Variants in CRADD observed in about 807,000 individuals in gnomAD.
CRADD encodes the protein CARD and death domain containing adaptor protein, also known as death domain-containing protein CRADD.
In CRADD, 9 loss-of-function variants were observed where a neutral mutation model predicts 15.5. The ratio of observed to expected loss-of-function variants is 0.58; its 90% CI spans 0.35 to 1.01. The LOEUF is 1.01. CRADD is among the 50% of genes least tolerant of loss of function. CRADD has a pLI of 0.02. For synonymous variants in CRADD, 118 were observed against 107.6 expected (o/e 1.10, Z -0.60); for missense variants, 227 against 250.3 (o/e 0.91, Z 0.63).
intron 2 of CRADD, among the ~76,000 whole-genome samples, chr12:93,778,809 G>A (rs1163964078): frequency 1.7e-5 from 2 of 117,356 alleles, no homozygotes; most frequent in Admixed American, 9.2e-5. Context: ...ATTTCTTTTT[G>A]TGTTCTTGTG....
chr12:93,892,903 TG>T (rs1299735714), intron 2 of CRADD, among the ~76,000 whole-genome samples: 2 of 152,188 alleles, frequency 1.3e-5, no homozygotes, highest in Non-Finnish European at 2.9e-5. Flanking sequence ...AAGCTGTTTT[TG>T]TTTTCCTTGA....
At chr12:93,796,118 AGTTTG>A (rs935884472) in intron 2 of CRADD, among the ~76,000 whole-genome samples, 45 of 152,106 alleles carry the variant, frequency 3.0e-4, no homozygotes, top group Non-Finnish European at 5.4e-4. Flanking sequence ...TGGGAGGATA[AGTTTG>A]GTTTTTTTTT....
At chr12:93,693,460 A>C (rs922404316) in intron 2 of CRADD, among the ~76,000 whole-genome samples, 1 of 152,088 alleles carries the variant, frequency 6.6e-6, no homozygotes, top group Admixed American at 6.5e-5. Context: ...ATGTCAGACC[A>C]AGTAGATTTT....
At chr12:93,886,177 T>C (rs1958536200) in intron 2 of CRADD, among the ~76,000 whole-genome samples, 1 of 149,692 alleles carries the variant, frequency 6.7e-6, no homozygotes, top group Admixed American at 6.7e-5. Context: ...TTTTTTTTTT[T>C]TTTTTGAGAC....
At chr12:93,867,220 G>T (rs1958375117) in intron 2 of CRADD, among the ~76,000 whole-genome samples, 1 of 151,820 alleles carries the variant, frequency 6.6e-6, no homozygotes, top group Non-Finnish European at 1.5e-5. Flanking sequence ...TAGGTCAGTT[G>T]TCTTTCCTCT....
intron 2 of CRADD, among the ~76,000 whole-genome samples, chr12:93,710,565 G>A (rs536050641): frequency 5.9e-5 from 9 of 152,048 alleles, no homozygotes; most frequent in South Asian, 2.1e-4. Flanking sequence ...GGCTGGTCTC[G>A]AACTCTTGAC....
At chr12:93,894,777 C>G (rs558651699), downstream of CRADD, 5 of 152,774 alleles carry the variant, frequency 3.3e-5, no homozygotes, top group African/African-American at 1.2e-4. Flanking sequence ...GGGAATAGGC[C>G]GGGGCCGAGA....
At chr12:93,869,976 C>G (rs982523540) in intron 2 of CRADD, among the ~76,000 whole-genome samples, 1 of 151,852 alleles carries the variant, frequency 6.6e-6, no homozygotes, top group African/African-American at 2.4e-5. Context: ...AAATTCATAT[C>G]TAGGCACATA....
At chr12:93,788,954 C>T (rs1957317013) in intron 2 of CRADD, among the ~76,000 whole-genome samples, 1 of 152,088 alleles carries the variant, frequency 6.6e-6, no homozygotes, top group Non-Finnish European at 1.5e-5. Context: ...ACCTCTCCTT[C>T]CTTTGGACCC....
At chr12:93,821,360 C>T (rs548323514) in intron 2 of CRADD, among the ~76,000 whole-genome samples, 9 of 152,294 alleles carry the variant, frequency 5.9e-5, no homozygotes, top group East Asian at 3.9e-4. Flanking sequence ...CTTCATTTTA[C>T]AGGTTTGGAA....
At chr12:93,805,625 G>T (rs993873782) in intron 2 of CRADD, among the ~76,000 whole-genome samples, 1 of 151,906 alleles carries the variant, frequency 6.6e-6, no homozygotes, top group Non-Finnish European at 1.5e-5. Flanking sequence ...GCTAACTAAC[G>T]TAGGAAACCC....
At position 93,879,509 on chromosome 12, in the gene CRADD, C is replaced by T. The variant is rs981099658; in HGVS notation, c.299-14541C>T. ...TAGGTTCCCTTCCAACATCTCTTGC[C>T]ACGTCTGCCCCCTAAATGTGGTGAC... On this transcript the variant is annotated intron_variant, in intron 2 of 2. Coordinates refer to the CRADD transcript ENST00000548483. Among the ~76,000 whole-genome samples, 15 of 152,118 alleles carry T rather than the reference C, an allele frequency of 9.9e-5. 1 individual carries two copies. Among genetic ancestry groups the T allele is most frequent in the Admixed American group, 2.0e-4 (3 of 15,266 alleles).
chr12:93,814,041 A>G (rs1593012168), intron 2 of CRADD, among the ~76,000 whole-genome samples: 1 of 152,158 alleles, frequency 6.6e-6, no homozygotes, highest in East Asian at 1.9e-4. Context: ...GGCAGTAGAG[A>G]TGGTTGTCCG....
At chr12:93,683,960 G>A (rs930979847) in intron 2 of CRADD, among the ~76,000 whole-genome samples, 7 of 152,270 alleles carry the variant, frequency 4.6e-5, no homozygotes, top group South Asian at 2.1e-4. Context: ...GCCTAGTGGC[G>A]TCCTGTGTGC....
At chr12:93,852,779 C>A (rs10777548), downstream of CRADD, among the ~76,000 whole-genome samples, 117,462 of 151,986 alleles carry the variant, frequency 0.77, 45,591 homozygotes, top group Middle Eastern at 0.87. Flanking sequence ...GAGCATTTGC[C>A]GGCACTGACA....
chr12:93,735,391 C>T (rs950340900), intron 2 of CRADD, among the ~76,000 whole-genome samples: 2 of 152,120 alleles, frequency 1.3e-5, no homozygotes, highest in African/African-American at 2.4e-5. Flanking sequence ...AATACAGAGC[C>T]TAGGGAAAAT....
At chr12:93,689,925 A>T (rs1334791710) in intron 2 of CRADD, among the ~76,000 whole-genome samples, 1 of 152,230 alleles carries the variant, frequency 6.6e-6, no homozygotes, top group Non-Finnish European at 1.5e-5. Flanking sequence ...GAAACACTTT[A>T]TAGATGAGGA....
chr12:93,856,672 G>T (rs1461584437), intron 2 of CRADD, among the ~76,000 whole-genome samples: 2 of 152,176 alleles, frequency 1.3e-5, no homozygotes, highest in Non-Finnish European at 2.9e-5. Flanking sequence ...TCCAAAATGT[G>T]ATCTCAGAGC....
At chr12:93,894,255 T>A in exon 3 of CRADD, 2 of 551,324 alleles carry the variant, frequency 3.6e-6, no homozygotes, top group East Asian at 7.2e-5. Context: ...GTCACAATTC[T>A]GTGTATGTGT....
Sources: gnomAD v4.1 joint callset for allele counts (sites outside exome capture counted in the v4.1 genomes callset) on GRCh38, gnomAD v4.1.1 for gene constraint, MANE v1.5 for transcripts, NCBI Gene and HGNC (gene_info 2026-07-23, HGNC 2026-07-21) for gene names.